RERE: variants seen among roughly 807,000 people sequenced by gnomAD.
The protein encoded by RERE is arginine-glutamic acid dipeptide repeats protein.
Under a neutral mutation model 146.1 loss-of-function variants are expected in RERE, and 40 were observed. The observed-to-expected ratio is 0.27, with a 90% confidence interval of 0.21 to 0.36. RERE has a LOEUF of 0.36. Ranked by LOEUF, RERE falls within the 10% of genes least tolerant of loss-of-function variation. The probability of loss-of-function intolerance (pLI) is 1.00; values close to 1 mark genes in which losing one functional copy is unlikely to be tolerated. For missense variants in RERE, 1,933 were observed against 2,138.7 expected (o/e 0.90, Z 1.90); for synonymous variants, 1,003 against 866.0 (o/e 1.16, Z -2.78).
At chr1:8,712,606 C>T (rs771229140) in intron 1 of RERE, among the ~76,000 whole-genome samples, 1 of 152,178 alleles carries the variant, frequency 6.6e-6, no homozygotes, top group Non-Finnish European at 1.5e-5. Flanking sequence ...ATTTTCCTGA[C>T]ATTCCAATTG....
At chr1:8,706,124 A>G (rs2124448560) in intron 1 of RERE, among the ~76,000 whole-genome samples, 1 of 151,116 alleles carries the variant, frequency 6.6e-6, no homozygotes, top group East Asian at 1.9e-4. Flanking sequence ...AAAAAAAAAA[A>G]AAAAAAAAAA....
chr1:8,361,246 G>A lies in RERE; in HGVS notation c.2261C>T (p.Ala754Val), dbSNP rs749388796. 6.4e-7 allele frequency: 1 copy of A among 1,563,002 alleles called. No individual in the cohort carries two copies. The highest frequency in any genetic ancestry group is 8.6e-7 in the Non-Finnish European group (1 of 1,157,108). ...GGGCAGCTGAGGGGTCCCTGGAGGA[G>A]CTGAGGAGGGAGCTGGGGTGACCCC... The part of the protein sequence containing the change: ...PTGVTPAPSS[A>V]PPGTPQLPTP... Residue 754 changes from alanine to valine, a missense_variant, in exon 18 of 23, where the codon GCT becomes GTT. Physicochemically the swap from Ala to Val is moderately conservative, Grantham distance 64. This residue lies in a region of RERE where 1,255 missense variants were observed against 1,153.8 expected (regional missense o/e 1.09). Coordinates refer to ENST00000400908, the MANE Select transcript of RERE (RefSeq NM_001042681.2).
intron 10 of RERE, among the ~76,000 whole-genome samples, chr1:8,490,598 G>A (rs1416631639): frequency 6.7e-6 from 1 of 150,152 alleles, no homozygotes; most frequent in Non-Finnish European, 1.5e-5. Context: ...TCCATACAAG[G>A]GAATACTTAT....
intron 1 of RERE, among the ~76,000 whole-genome samples, chr1:8,808,104 C>T (rs1427701153): frequency 6.7e-6 from 1 of 149,050 alleles, no homozygotes; most frequent in Non-Finnish European, 1.5e-5. Context: ...TGATCATGCA[C>T]CACTGCACTC....
chr1:8,556,529 T>A lies in RERE; in HGVS notation c.671A>T (p.Asn224Ile). The part of the protein sequence containing the change: ...ELVITDPVIK[N>I]RELFISDYVD... ...GTAATCAGAAATGAAGAGCTCTCGG[T>A]TCTTGATAACTGGGTCTGTAATGAC... Residue 224 changes from asparagine (N) to isoleucine (I), a missense_variant, in exon 6 of 23, where the codon AAC becomes ATC. Physicochemically the swap from Asn to Ile is moderately radical, Grantham distance 149. Around this residue, in one of 11 missense-constraint regions of RERE, gnomAD observed 37 missense variants for 46.6 expected, o/e 0.79. Coordinates refer to ENST00000400908, the MANE Select transcript of RERE (RefSeq NM_001042681.2). 1 of 1,612,270 alleles carries A rather than the reference T, an allele frequency of 6.2e-7. No individual in the cohort carries two copies. The highest frequency in any genetic ancestry group is 8.5e-7 in the Non-Finnish European group (1 of 1,178,332).
intron 12 of RERE, among the ~76,000 whole-genome samples, chr1:8,373,061 CTG>C (rs1410097577): frequency 6.6e-6 from 1 of 152,230 alleles, no homozygotes; most frequent in African/African-American, 2.4e-5. Context: ...GCTGAGCAGA[CTG>C]TAGTTACGTG....
intron 13 of RERE, 103 bp downstream of exon 13, chr1:8,365,709 C>G (rs910007103): frequency 7.4e-7 from 1 of 1,351,508 alleles, no homozygotes; most frequent in Non-Finnish European, 1.0e-6. Context: ...TGCACACCCC[C>G]TCATGCTTCC....
At chr1:8,741,107 C>T (rs2124502548) in intron 1 of RERE, among the ~76,000 whole-genome samples, 1 of 152,264 alleles carries the variant, frequency 6.6e-6, no homozygotes, top group Non-Finnish European at 1.5e-5. Context: ...AACCTTATAC[C>T]ACATACAATG....
chr1:8,432,486 T>C (rs35894032), intron 11 of RERE, among the ~76,000 whole-genome samples: 3,981 of 152,190 alleles, frequency 0.026, 79 homozygotes, highest in Admixed American at 0.038. Flanking sequence ...GTGCGAAGCA[T>C]GTTCCAGTTT....
intron 1 of RERE, among the ~76,000 whole-genome samples, chr1:8,754,617 G>A (rs1640599843): frequency 1.3e-5 from 2 of 152,168 alleles, no homozygotes; most frequent in South Asian, 4.1e-4. Flanking sequence ...CACTGCAGAT[G>A]TATGTTTTGC....
chr1:8,354,983 A>T lies in RERE; in HGVS notation c.*104T>A. ...TTTTTAAATATATAAAGAAATCTTT[A>T]GAAGATATTCTTTTTGCTTTTGCAG... On this transcript the variant is annotated 3_prime_UTR_variant, in exon 23 of 23. Transcript: ENST00000400908. 1 of 895,758 alleles carries T rather than the reference A, an allele frequency of 1.1e-6. No individual in the cohort carries two copies. Among genetic ancestry groups the T allele is most frequent in the Non-Finnish European group, 1.8e-6 (1 of 562,810 alleles). The allele number at this position is 895,758 out of a possible 1,614,324, so 55.5% of individuals were successfully genotyped here.
chr1:8,799,349 T>G (rs1243521253), intron 1 of RERE: 1 of 153,930 alleles, frequency 6.5e-6, no homozygotes, highest in Admixed American at 6.5e-5. Flanking sequence ...GCCCATAAGG[T>G]GCTCCGTGGA....
chr1:8,716,912 T>C (rs1043778258), intron 1 of RERE, among the ~76,000 whole-genome samples: 1 of 152,204 alleles, frequency 6.6e-6, no homozygotes, highest in Non-Finnish European at 1.5e-5. Context: ...CAGGCTGTAC[T>C]ACATTTTGCA....
chr1:8,441,008 G>T, intron 11 of RERE, among the ~76,000 whole-genome samples: 1 of 126,918 alleles, frequency 7.9e-6, no homozygotes, highest in African/African-American at 2.9e-5. Context: ...TTTGTTTTTC[G>T]GGGGGGTGGG....
At chr1:8,625,664 T>A (rs888563541) in intron 2 of RERE, among the ~76,000 whole-genome samples, 1 of 152,184 alleles carries the variant, frequency 6.6e-6, no homozygotes, top group Admixed American at 6.5e-5. Flanking sequence ...TATCTTACAA[T>A]AATTCAGATG....
At chr1:8,470,071 G>T (rs904300208) in intron 10 of RERE, among the ~76,000 whole-genome samples, 1 of 151,980 alleles carries the variant, frequency 6.6e-6, no homozygotes, top group Non-Finnish European at 1.5e-5. Context: ...ATATAATGGC[G>T]GATTCTCTCC....
intron 4 of RERE, among the ~76,000 whole-genome samples, chr1:8,570,288 C>T (rs1409337673): frequency 6.6e-6 from 1 of 151,832 alleles, no homozygotes; most frequent in African/African-American, 2.4e-5. Flanking sequence ...AGTGAAATTG[C>T]GCCACTGCAC....
chr1:8,365,206 A>C (rs1217954778), intron 13 of RERE, among the ~76,000 whole-genome samples: 1 of 151,942 alleles, frequency 6.6e-6, no homozygotes, highest in South Asian at 2.1e-4. Context: ...AGCGCCCCCA[A>C]CCCGTCCTGC....
At chr1:8,709,570 TCAC>T (rs1004178541) in intron 1 of RERE, among the ~76,000 whole-genome samples, 1 of 152,330 alleles carries the variant, frequency 6.6e-6, no homozygotes. Context: ...GTCTGAGGGT[TCAC>T]TTGTTGATTT....
Sources: gnomAD v4.1 joint callset for allele counts (sites outside exome capture counted in the v4.1 genomes callset) on GRCh38, gnomAD v4.1.1 for gene constraint, gnomAD v4.1.1 regional missense constraint, MANE v1.5 for transcripts, NCBI Gene and HGNC (gene_info 2026-07-23, HGNC 2026-07-21) for gene names.